The following DLG2 variants were observed in gnomAD, a reference collection of about 807,000 sequenced individuals.
DLG2 encodes the protein disks large homolog 2.
DLG2 carries 45 observed loss-of-function variants against 132.5 expected under a neutral mutation model. That is an observed-to-expected ratio of 0.34 (90% confidence interval 0.27 to 0.44). The LOEUF (loss-of-function observed/expected upper bound fraction) is 0.44, where lower values mean the gene tolerates loss of function less well. Ranked by LOEUF, DLG2 falls within the 20% of genes least tolerant of loss-of-function variation. DLG2 has a pLI of 1.00. For missense variants in DLG2, 1,045 were observed against 1,196.9 expected (o/e 0.87, Z 1.87); for synonymous variants, 424 against 419.6 (o/e 1.01, Z -0.13).
At chr11:84,492,195 T>TG (rs1453316172) in intron 7 of DLG2, among the ~76,000 whole-genome samples, 2 of 152,192 alleles carry the variant, frequency 1.3e-5, no homozygotes, top group East Asian at 3.9e-4. Context: ...AAAGGGTTTT[T>TG]AAAATTATTT....
intron 19 of DLG2, among the ~76,000 whole-genome samples, chr11:83,588,080 C>T (rs2153275843): frequency 6.6e-6 from 1 of 152,304 alleles, no homozygotes; most frequent in South Asian, 2.1e-4. Flanking sequence ...ATTGCCCAGG[C>T]TTGATTAGGT....
chr11:84,998,251 G>C (rs1478501832), intron 6 of DLG2, among the ~76,000 whole-genome samples: 1 of 152,022 alleles, frequency 6.6e-6, no homozygotes, highest in Non-Finnish European at 1.5e-5. Flanking sequence ...GTCAAGGGCA[G>C]GACCAGGTGG....
intron 18 of DLG2, among the ~76,000 whole-genome samples, chr11:83,694,407 C>G (rs2081518737): frequency 6.6e-6 from 1 of 152,160 alleles, no homozygotes; most frequent in Admixed American, 6.5e-5. Context: ...GGAGACTAGC[C>G]TGCCTGAACA....
chr11:83,549,036 G>T (rs1229287566), intron 19 of DLG2, among the ~76,000 whole-genome samples: 1 of 152,138 alleles, frequency 6.6e-6, no homozygotes, highest in Admixed American at 6.6e-5. Context: ...GTCTAGGGAG[G>T]CCTTTGCTTT....
chr11:85,623,881 A>G (rs2081894998), intron 2 of DLG2, among the ~76,000 whole-genome samples: 1 of 152,248 alleles, frequency 6.6e-6, no homozygotes, highest in Non-Finnish European at 1.5e-5. Context: ...ACTTGTTAAA[A>G]CAGACCCTTA....
chr11:85,619,901 G>T (rs556792887), intron 2 of DLG2, among the ~76,000 whole-genome samples: 2 of 151,660 alleles, frequency 1.3e-5, no homozygotes, highest in African/African-American at 2.4e-5. Flanking sequence ...ATACAAATTT[G>T]GTAAAATGCT....
intron 6 of DLG2, among the ~76,000 whole-genome samples, chr11:84,903,868 G>T (rs1435987673): frequency 2.0e-5 from 3 of 151,836 alleles, no homozygotes; most frequent in African/African-American, 7.3e-5. Flanking sequence ...ATTTCCAACA[G>T]GTGATAAAAA....
chr11:84,965,690 C>T lies in DLG2; in HGVS notation c.357+145971G>A, dbSNP rs1230065624. Among the ~76,000 whole-genome samples the T allele has an allele frequency of 9.9e-5, 15 of 152,136 alleles. No homozygotes were observed. The East Asian group carries it at 2.9e-3, about 29-fold the overall frequency. Reference sequence around the variant, plus strand: ...AACTGCATTCCATTCCACAGACAGCCTTGTGAGGAGATGCATTTCAATTAC... The same window carrying T: ...AACTGCATTCCATTCCACAGACAGCTTTGTGAGGAGATGCATTTCAATTAC... On this transcript the variant is annotated intron_variant, in intron 6 of 27. Transcript: ENST00000376104.
chr11:85,061,970 C>T (rs572590885), intron 6 of DLG2, among the ~76,000 whole-genome samples: 1 of 151,892 alleles, frequency 6.6e-6, no homozygotes, highest in South Asian at 2.1e-4. Flanking sequence ...GCCCATTTTA[C>T]ACTCGCATGG....
At chr11:84,140,211 T>C (rs778570701) in intron 9 of DLG2, among the ~76,000 whole-genome samples, 5 of 152,148 alleles carry the variant, frequency 3.3e-5, no homozygotes, top group Non-Finnish European at 5.9e-5. Flanking sequence ...TGAGTGACCC[T>C]TGGGAACCCA....
chr11:84,438,429 G>A (rs921770544), intron 7 of DLG2, among the ~76,000 whole-genome samples: 1 of 151,792 alleles, frequency 6.6e-6, no homozygotes, highest in Admixed American at 6.6e-5. Flanking sequence ...GGTTCAAATC[G>A]AGTGTTAAAC....
chr11:84,170,789 T>C (rs1019345014), intron 8 of DLG2, among the ~76,000 whole-genome samples: 2 of 152,190 alleles, frequency 1.3e-5, no homozygotes, highest in African/African-American at 4.8e-5. Context: ...TTTAATTTTC[T>C]CATGCAGATA....
intron 6 of DLG2, among the ~76,000 whole-genome samples, chr11:84,811,635 A>C (rs1478382967): frequency 6.6e-6 from 1 of 152,172 alleles, no homozygotes; most frequent in Non-Finnish European, 1.5e-5. Context: ...GAGATCCTGA[A>C]TAACATTTCT....
intron 6 of DLG2, among the ~76,000 whole-genome samples, chr11:84,541,984 G>A (rs991037251): frequency 1.3e-5 from 2 of 152,168 alleles, no homozygotes; most frequent in Non-Finnish European, 2.9e-5. Context: ...TTGGAAGATG[G>A]CATTTTGCTG....
At position 85,465,179 on chromosome 11, in the gene DLG2, G is replaced by A. The variant is rs7952496; in HGVS notation, c.40+133478C>T. ...TTTTTTTGAAACAGGGTCTTTCTCT[G>A]TTACCCAGGGTTAATTGTCGTGGCA... On this transcript the variant is annotated intron_variant, in intron 3 of 27. Coordinates refer to ENST00000376104, the MANE Select transcript of DLG2 (RefSeq NM_001142699.3). Among the ~76,000 whole-genome samples, 696 of 126,588 alleles carry A rather than the reference G, an allele frequency of 5.5e-3. 3 individuals are homozygous for A. Among genetic ancestry groups the A allele is most frequent in the African/African-American group, 0.019 (610 of 32,942 alleles). 83.0% of individuals were successfully genotyped at this position (126,588 alleles called of 152,430 possible).
intron 2 of DLG2, among the ~76,000 whole-genome samples, chr11:85,620,106 T>C (rs1413380520): frequency 6.6e-6 from 1 of 152,240 alleles, no homozygotes; most frequent in African/African-American, 2.4e-5. Context: ...TGTCTCTGCG[T>C]CACATTTTGG....
At chr11:83,691,935 A>G (rs2081071479) in intron 18 of DLG2, 1 of 152,196 alleles carries the variant, frequency 6.6e-6, no homozygotes. Flanking sequence ...GACATGGACT[A>G]CGTAAAGTTG....
At chr11:83,543,804 G>A (rs867722933) in intron 19 of DLG2, among the ~76,000 whole-genome samples, 2 of 152,126 alleles carry the variant, frequency 1.3e-5, no homozygotes, top group Non-Finnish European at 2.9e-5. Context: ...TCTACTCTGT[G>A]CAAAAAGGAG....
intron 19 of DLG2, among the ~76,000 whole-genome samples, chr11:83,576,793 A>G (rs1183715704): frequency 6.6e-6 from 1 of 152,256 alleles, no homozygotes; most frequent in East Asian, 1.9e-4. Flanking sequence ...GAAGTACTCC[A>G]GGCAGAAGTG....
Sources: gnomAD v4.1 joint callset for allele counts (sites outside exome capture counted in the v4.1 genomes callset) on GRCh38, gnomAD v4.1.1 for gene constraint, MANE v1.5 for transcripts, NCBI Gene and HGNC (gene_info 2026-07-23, HGNC 2026-07-21) for gene names.